Variants in PHACTR3 observed in about 807,000 individuals in gnomAD.
The protein encoded by PHACTR3 is phosphatase and actin regulator 3, also known as protein phosphatase 1, regulatory subunit 123.
In PHACTR3, 16 loss-of-function variants were observed where a neutral mutation model predicts 66.8. The ratio of observed to expected loss-of-function variants is 0.24; its 90% CI spans 0.16 to 0.36. The LOEUF is 0.36. PHACTR3 is among the 10% of genes least tolerant of loss of function. PHACTR3 has a pLI of 1.00. For synonymous variants in PHACTR3, 323 were observed against 292.1 expected, an observed-to-expected ratio of 1.11 and a Z score of -1.08; for missense variants, 647 against 719.9, an observed-to-expected ratio of 0.90 and a Z score of 1.16.
chr20:59,762,283 C>A (rs1052030813), intron 4 of PHACTR3, among the ~76,000 whole-genome samples: 1 of 152,218 alleles, frequency 6.6e-6, no homozygotes, highest in African/African-American at 2.4e-5. Context: ...CCACCTTGGG[C>A]AGGTGGAATG....
chr20:59,816,165 A>G (rs2041881515), intron 8 of PHACTR3, among the ~76,000 whole-genome samples: 1 of 151,914 alleles, frequency 6.6e-6, no homozygotes, highest in South Asian at 2.1e-4. Flanking sequence ...ATCATCAGGC[A>G]TTAGATTCTC....
At chr20:59,832,184 C>T (rs2042403953) in intron 8 of PHACTR3, among the ~76,000 whole-genome samples, 1 of 152,210 alleles carries the variant, frequency 6.6e-6, no homozygotes, top group Admixed American at 6.5e-5. Flanking sequence ...CTGATTCCAG[C>T]TGTAGTAGCT....
At chr20:59,617,050 G>A (rs138547936) in intron 1 of PHACTR3, among the ~76,000 whole-genome samples, 5 of 152,166 alleles carry the variant, frequency 3.3e-5, no homozygotes, top group Non-Finnish European at 5.9e-5. Flanking sequence ...TTATTTTCCT[G>A]TAATATTTTT....
chr20:59,835,526 A>G (rs1182534), intron 8 of PHACTR3, among the ~76,000 whole-genome samples: 146,174 of 152,258 alleles, frequency 0.96, 70,196 homozygotes, highest in East Asian at 1. Flanking sequence ...CCTAAATTCT[A>G]GGCATTCAAA....
At position 59,811,809 on chromosome 20, in the gene PHACTR3, A is replaced by G. The variant is rs528901986; in HGVS notation, c.1328+5615A>G. 8.5e-5 allele frequency among the ~76,000 whole-genome samples: 13 copies of G among 152,318 alleles called. No individual in the cohort carries two copies. The South Asian group carries it at 2.7e-3, about 32-fold the overall frequency. On this transcript the variant is annotated intron_variant, in intron 8 of 12. Coordinates refer to ENST00000371015, the MANE Select transcript of PHACTR3 (RefSeq NM_080672.5). ...CTAGAGCCCCAGCCGTCTTTGTCTC[A>G]GCTGCGTGAGATAGGCCAGCACCAG...
chr20:59,645,283 G>A (rs78849742), intron 1 of PHACTR3, among the ~76,000 whole-genome samples: 3,697 of 148,166 alleles, frequency 0.025, 62 homozygotes, highest in Middle Eastern at 0.059. Flanking sequence ...GTCCCCCAAA[G>A]GCAGGGCTGG....
chr20:59,740,174 C>T (rs2039100398), intron 1 of PHACTR3, among the ~76,000 whole-genome samples: 1 of 152,130 alleles, frequency 6.6e-6, no homozygotes, highest in Admixed American at 6.5e-5. Context: ...AAGTTACCTG[C>T]ACTGGCATGG....
Position 59,829,983 on chromosome 20 carries a change from T to G in PHACTR3, c.1329-6522T>G, listed in dbSNP as rs769040329. On this transcript the variant is annotated intron_variant, in intron 8 of 12. Coordinates refer to ENST00000371015, the MANE Select transcript of PHACTR3 (RefSeq NM_080672.5). This position sits in a 1 kb window ranked among gnomAD's most constrained non-coding sequence, Gnocchi z 4.2. ...TCTCCTGACCCCGTGTCCTTCCACTTCCTGAAATTACCTGCAGCCCCTGCT... is the reference window on the plus strand; with the variant it reads ...TCTCCTGACCCCGTGTCCTTCCACTGCCTGAAATTACCTGCAGCCCCTGCT... Among the ~76,000 whole-genome samples the G allele has an allele frequency of 1.3e-5, 2 of 152,086 alleles. No homozygotes were observed. The highest frequency in any genetic ancestry group is 1.5e-5 in the Non-Finnish European group (1 of 68,042).
intron 8 of PHACTR3, among the ~76,000 whole-genome samples, chr20:59,831,002 T>C (rs2042354487): frequency 2.0e-5 from 3 of 152,116 alleles, no homozygotes; most frequent in South Asian, 2.1e-4. Context: ...TCTCATCAGC[T>C]CCACCTCTAG....
rs189051698 is a variant in PHACTR3, at chr20:59,664,893, C to T, written c.118+59761C>T. Among the ~76,000 whole-genome samples, 387 of 152,274 alleles carry T rather than the reference C, an allele frequency of 2.5e-3. 4 individuals are homozygous for T. Among genetic ancestry groups the T allele is most frequent in the Admixed American group, 0.023 (345 of 15,304 alleles). On this transcript the variant is annotated intron_variant, in intron 1 of 12. Transcript: ENST00000371015. ...CATCAGACGAAAGTGAATACCCGTG[C>T]GGTATCCATTGCGGGCTGGGTGCAG...
intron 1 of PHACTR3, among the ~76,000 whole-genome samples, chr20:59,615,616 T>C (rs1438583325): frequency 6.6e-6 from 1 of 152,202 alleles, no homozygotes; most frequent in Non-Finnish European, 1.5e-5. Flanking sequence ...CTTTCAGTCC[T>C]TGGGTTTCTG....
chr20:59,666,207 TG>T (rs1428874544), intron 1 of PHACTR3, among the ~76,000 whole-genome samples: 1 of 152,130 alleles, frequency 6.6e-6, no homozygotes, highest in African/African-American at 2.4e-5. Context: ...AGGCACCCCA[TG>T]GGGTTAGCTC....
chr20:59,819,454 T>C (rs2041970661), intron 8 of PHACTR3, among the ~76,000 whole-genome samples: 1 of 151,800 alleles, frequency 6.6e-6, no homozygotes. Flanking sequence ...GAGGATGGCT[T>C]GAGCCTAGGA....
chr20:59,746,675 A>G (rs1179699836), intron 2 of PHACTR3, among the ~76,000 whole-genome samples: 3 of 152,234 alleles, frequency 2.0e-5, no homozygotes, highest in Non-Finnish European at 4.4e-5. Flanking sequence ...ACATTAAGCT[A>G]AGCCAGGTGG....
chr20:59,753,480 C>T (rs539956958), intron 3 of PHACTR3, among the ~76,000 whole-genome samples: 15 of 152,280 alleles, frequency 9.9e-5, no homozygotes, highest in East Asian at 1.9e-4. Context: ...GAGGGAGAAA[C>T]GGTTCTGTCC....
intron 1 of PHACTR3, among the ~76,000 whole-genome samples, chr20:59,639,800 C>T (rs1406840483): frequency 6.6e-6 from 1 of 152,184 alleles, no homozygotes; most frequent in Non-Finnish European, 1.5e-5. Context: ...TTCCATTTTA[C>T]TACCTTCATT....
intron 1 of PHACTR3, among the ~76,000 whole-genome samples, chr20:59,578,270 C>T (rs551348172): frequency 6.6e-6 from 1 of 152,226 alleles, no homozygotes; most frequent in Non-Finnish European, 1.5e-5. Flanking sequence ...CCTCAGGCCT[C>T]CTGGTGACAA....
At chr20:59,834,350 TCA>T (rs1410629223) in intron 8 of PHACTR3, among the ~76,000 whole-genome samples, 1 of 152,196 alleles carries the variant, frequency 6.6e-6, no homozygotes, top group African/African-American at 2.4e-5. Flanking sequence ...CCACCATTAT[TCA>T]CACACAGAGG....
intron 7 of PHACTR3, among the ~76,000 whole-genome samples, chr20:59,779,691 A>G (rs1016349523): frequency 3.3e-5 from 5 of 152,366 alleles, no homozygotes; most frequent in African/African-American, 1.2e-4. Context: ...TTTGTTATCA[A>G]ACGTTTTTGT....
Sources: allele counts gnomAD v4.1 joint callset (sites outside exome capture counted in the v4.1 genomes callset), GRCh38; gene constraint gnomAD v4.1.1; non-coding constraint Gnocchi (gnomAD v3.1); transcripts MANE v1.5; gene names NCBI Gene and HGNC (gene_info 2026-07-23, HGNC 2026-07-21).